Variants in MBD5 observed in about 807,000 individuals in gnomAD.
MBD5 encodes the protein methyl-CpG binding domain protein 5.
In MBD5, 13 loss-of-function variants were observed where a neutral mutation model predicts 117.3. That is an observed-to-expected ratio of 0.11 (90% CI 0.07 to 0.18). The LOEUF is 0.18. Ranked by LOEUF, MBD5 falls within the 10% of genes least tolerant of loss-of-function variation. The pLI, the probability that MBD5 is intolerant of heterozygous loss-of-function variation, is 1.00. For missense variants in MBD5, 1,879 were observed against 2,093.8 expected, an observed-to-expected ratio of 0.90 and a Z score of 2.00; for synonymous variants, 727 against 766.4, an observed-to-expected ratio of 0.95 and a Z score of 0.85.
chr2:148,477,216 A>G (rs1251551915), intron 8 of MBD5, among the ~76,000 whole-genome samples: 1 of 152,092 alleles, frequency 6.6e-6, no homozygotes, highest in Non-Finnish European at 1.5e-5. Context: ...CTACACAGAC[A>G]TCATATTCCA....
chr2:148,399,605 A>G (rs1704851566), intron 4 of MBD5, among the ~76,000 whole-genome samples: 1 of 152,116 alleles, frequency 6.6e-6, no homozygotes, highest in Non-Finnish European at 1.5e-5. Context: ...GCAAACAGGG[A>G]CAATTTGACT....
At chr2:148,202,219 A>G (rs1314863730) in intron 2 of MBD5, among the ~76,000 whole-genome samples, 1 of 152,238 alleles carries the variant, frequency 6.6e-6, no homozygotes, top group Non-Finnish European at 1.5e-5. Context: ...ATAATTTCAA[A>G]ATATGATATG....
At chr2:148,400,653 C>G (rs1704891245) in intron 4 of MBD5, among the ~76,000 whole-genome samples, 1 of 152,086 alleles carries the variant, frequency 6.6e-6, no homozygotes, top group Admixed American at 6.6e-5. Flanking sequence ...GAAGAGTTCC[C>G]CATTGTAACA....
intron 1 of MBD5, among the ~76,000 whole-genome samples, chr2:148,033,456 T>C (rs1694097279): frequency 6.6e-6 from 1 of 152,202 alleles, no homozygotes; most frequent in African/African-American, 2.4e-5. Context: ...TAACTTATTG[T>C]CAATAAATTA....
chr2:148,187,902 TA>T (rs1558964276), intron 2 of MBD5, among the ~76,000 whole-genome samples: 1 of 152,188 alleles, frequency 6.6e-6, no homozygotes, highest in Non-Finnish European at 1.5e-5. Flanking sequence ...TTTATATATT[TA>T]AAAAGATAAC....
At chr2:148,369,241 A>C (rs1361691610) in intron 4 of MBD5, among the ~76,000 whole-genome samples, 1 of 152,110 alleles carries the variant, frequency 6.6e-6, no homozygotes. Context: ...AAAAGTAGGA[A>C]ACTGAAGACA....
At chr2:148,386,718 CAAAAA>C (rs60766324) in intron 4 of MBD5, among the ~76,000 whole-genome samples, 10 of 104,236 alleles carry the variant, frequency 9.6e-5, no homozygotes, top group African/African-American at 2.9e-4. Flanking sequence ...GACTCCGTCT[CAAAAA>C]AAAAAAAAAA....
chr2:148,365,728 A>T (rs1703678514), intron 4 of MBD5, among the ~76,000 whole-genome samples: 1 of 152,172 alleles, frequency 6.6e-6, no homozygotes, highest in African/African-American at 2.4e-5. Flanking sequence ...GAAAATATAG[A>T]GGAAATGGAT....
chr2:148,468,881 C>A lies in MBD5; in HGVS notation c.938C>A (p.Pro313Gln). 7 of 1,613,810 alleles carry A rather than the reference C, an allele frequency of 4.3e-6. No homozygotes were observed. The highest frequency in any genetic ancestry group is 5.9e-6 in the Non-Finnish European group (7 of 1,179,892). ...LTTKSPVMKKPMCNFSTNMEI... is the reference protein window; with the variant it reads ...LTTKSPVMKKQMCNFSTNMEI... ...ACAAAGAGTCCAGTAATGAAAAAACCAATGTGTAATTTTTCAACTAATATG... is the reference window on the plus strand; with the variant it reads ...ACAAAGAGTCCAGTAATGAAAAAACAAATGTGTAATTTTTCAACTAATATG... Residue 313 changes from proline (P) to glutamine (Q), a missense_variant, in exon 8 of 14, where the codon CCA (proline) becomes CAA (glutamine). Pro to Gln is a moderately conservative substitution (Grantham distance 76). Around this residue, in one of 4 missense-constraint regions of MBD5, gnomAD observed 1,666 missense variants for 1,792.2 expected, o/e 0.93. Transcript: ENST00000642680.
intron 1 of MBD5, among the ~76,000 whole-genome samples, chr2:148,099,932 G>A (rs1696163177): frequency 6.6e-6 from 1 of 152,160 alleles, no homozygotes. Flanking sequence ...AGCATTATTT[G>A]ATGCTAGGTA....
chr2:148,433,088 G>T (rs1486387213), intron 4 of MBD5, among the ~76,000 whole-genome samples: 2 of 151,990 alleles, frequency 1.3e-5, no homozygotes, highest in Non-Finnish European at 2.9e-5. Context: ...CACATCCCTG[G>T]TTAGCTATAT....
At position 148,461,583 on chromosome 2, in the gene MBD5, A is replaced by T. The variant is rs77990229; in HGVS notation, c.114-999A>T. ...ATTGTTTCTGGATGAACTTGGTCAG[A>T]GGGCTTAAGTGAAGGTTTTGGTAAA... On this transcript the variant is annotated intron_variant, in intron 5 of 13. Transcript: ENST00000642680. Among the ~76,000 whole-genome samples the T allele has an allele frequency of 2.0e-3, 305 of 152,326 alleles. 2 individuals carry two copies. Among genetic ancestry groups the T allele is most frequent in the African/African-American group, 6.9e-3 (288 of 41,582 alleles).
chr2:148,119,099 ATTT>A (rs1209380201), intron 1 of MBD5, among the ~76,000 whole-genome samples: 1 of 152,178 alleles, frequency 6.6e-6, no homozygotes, highest in African/African-American at 2.4e-5. Flanking sequence ...CTTCTAAAGT[ATTT>A]TTAAAAGCAG....
At chr2:148,308,498 T>C (rs1574267637) in intron 3 of MBD5, among the ~76,000 whole-genome samples, 1 of 131,730 alleles carries the variant, frequency 7.6e-6, no homozygotes, top group Non-Finnish European at 1.6e-5. Context: ...TTTCTTTTTT[T>C]TTTTTTTTTT....
In MBD5 at chr2:148,483,560, C is replaced by G; in HGVS notation, c.2969C>G (p.Ala990Gly). 1.3e-6 allele frequency: 2 copies of G among 1,573,606 alleles called. No individual in the cohort carries two copies. Among genetic ancestry groups the G allele is most frequent in the Non-Finnish European group, 1.7e-6 (2 of 1,159,376 alleles). Reference protein sequence around the residue: ...VLQPVHFQLLAALLQNQAQAA... With the variant: ...VLQPVHFQLLGALLQNQAQAA... ...CAGCCTGTTCACTTTCAGCTCTTAG[C>G]AGCCTTGCTTCAGAACCAAGCCCAA... Residue 990 changes from alanine (A) to glycine (G), a missense_variant, in exon 9 of 14, where the codon GCA becomes GGA. Transcript: ENST00000642680.
chr2:148,166,592 A>G (rs1698130628), intron 1 of MBD5, among the ~76,000 whole-genome samples: 1 of 152,176 alleles, frequency 6.6e-6, no homozygotes, highest in African/African-American at 2.4e-5. Context: ...ACTGAGGATG[A>G]TAGGATACTG....
intron 1 of MBD5, among the ~76,000 whole-genome samples, chr2:148,124,453 C>T (rs1361322590): frequency 6.6e-6 from 1 of 152,092 alleles, no homozygotes; most frequent in Non-Finnish European, 1.5e-5. Flanking sequence ...TAGCACATGC[C>T]TGTGGTCCCA....
At chr2:148,405,019 T>A (rs999763284) in intron 4 of MBD5, among the ~76,000 whole-genome samples, 4 of 152,222 alleles carry the variant, frequency 2.6e-5, no homozygotes, top group African/African-American at 7.2e-5. Flanking sequence ...AGGCTTTTAA[T>A]TTGTTCTGGA....
At chr2:148,162,702 TAA>T in intron 1 of MBD5, among the ~76,000 whole-genome samples, 2 of 152,226 alleles carry the variant, frequency 1.3e-5, no homozygotes, top group East Asian at 3.9e-4. Context: ...ATATAAGTAA[TAA>T]AGTCTTAGGA....
Sources: allele counts gnomAD v4.1 joint callset (sites outside exome capture counted in the v4.1 genomes callset), GRCh38; gene constraint gnomAD v4.1.1; regional missense constraint gnomAD v4.1.1; transcripts MANE v1.5; gene names NCBI Gene and HGNC (gene_info 2026-07-23, HGNC 2026-07-21).